The following VPS13D variants were observed in gnomAD, a reference collection of about 807,000 sequenced individuals.
The protein encoded by VPS13D is vacuolar protein sorting 13 homolog D, also known as intermembrane lipid transfer protein VPS13D.
In VPS13D, 187 loss-of-function variants were observed where a neutral mutation model predicts 461.9. The ratio of observed to expected loss-of-function variants is 0.40; its 90% CI spans 0.36 to 0.46. The LOEUF is 0.46. Ranked by LOEUF, VPS13D falls within the 20% of genes least tolerant of loss-of-function variation. VPS13D has a pLI of 0.60. For synonymous variants in VPS13D, 1,951 were observed against 1,986.3 expected (o/e 0.98, Z 0.47); for missense variants, 4,711 against 5,364.9 (o/e 0.88, Z 3.81).
intron 2 of VPS13D, 67 bp downstream of exon 2, chr1:12,234,430 G>T: frequency 7.4e-7 from 1 of 1,353,154 alleles, no homozygotes; most frequent in Non-Finnish European, 1.0e-6. Flanking sequence ...TTTTTTTGTT[G>T]TCCTGAGAAT....
intron 21 of VPS13D, among the ~76,000 whole-genome samples, chr1:12,284,165 G>A (rs556561755): frequency 2.0e-5 from 3 of 152,236 alleles, no homozygotes; most frequent in Non-Finnish European, 4.4e-5. Context: ...TGCATTGAGG[G>A]CAACAGCGTA....
In VPS13D at chr1:12,283,337, G is replaced by T; in HGVS notation, c.5235G>T (p.Ala1745=). The change falls in exon 21 of 70, where the codon GCG becomes GCT. Residue 1745 remains alanine (A), a synonymous_variant. Coordinates refer to ENST00000620676, the MANE Select transcript of VPS13D (RefSeq NM_015378.4). ...VFQLYQRPTS[A]SRKKQKEVQD... is the part of the protein sequence containing the mutation. ...AGTTGTATCAAAGGCCCACCTCTGC[G>T]TCCCGGAAAAAGCAAAAGGAAGTCC... The T allele has an allele frequency of 6.2e-7, 1 of 1,613,994 alleles. No individual in the cohort carries two copies. The highest frequency in any genetic ancestry group is 8.5e-7 in the Non-Finnish European group (1 of 1,180,014).
chr1:12,305,289 C>T (rs1642531093), intron 26 of VPS13D, among the ~76,000 whole-genome samples: 1 of 151,328 alleles, frequency 6.6e-6, no homozygotes, highest in South Asian at 2.1e-4. Flanking sequence ...TTTTTTTTCC[C>T]CTCAAGACAG....
At chr1:12,499,947 C>A (rs1461300337) in intron 68 of VPS13D, 2 of 985,362 alleles carry the variant, frequency 2.0e-6, no homozygotes, top group African/African-American at 3.5e-5. Context: ...TGTTTAAAGA[C>A]CTAATTATTT....
At chr1:12,504,073 G>T (rs11121916) in intron 68 of VPS13D, among the ~76,000 whole-genome samples, 4,959 of 152,216 alleles carry the variant, frequency 0.033, 265 homozygotes, top group African/African-American at 0.11. Context: ...AGTTTGATAT[G>T]AGGCTCCATT....
chr1:12,376,658 A>G (rs972068531), intron 55 of VPS13D, among the ~76,000 whole-genome samples: 1 of 152,200 alleles, frequency 6.6e-6, no homozygotes, highest in Non-Finnish European at 1.5e-5. Flanking sequence ...TCCAATGTTC[A>G]TGCTACTTTG....
rs754213824 is a variant in VPS13D, at chr1:12,362,703, GT to G, written c.10142-15del. On this transcript the variant is annotated splice_polypyrimidine_tract_variant and intron_variant, in intron 50 of 69. Coordinates refer to ENST00000620676, the MANE Select transcript of VPS13D (RefSeq NM_015378.4). ...TCTTCATGGTTAACTCATAAAAGTGGTTCTTGTTATTTGTAGGTATTGATGT... is the reference window on the plus strand; with the variant it reads ...TCTTCATGGTTAACTCATAAAAGTGGTCTTGTTATTTGTAGGTATTGATGT... 62 of 1,611,870 alleles carry G rather than the reference GT, an allele frequency of 3.8e-5. 1 individual carries two copies. The Middle Eastern group carries it at 4.9e-4, about 13-fold the overall frequency.
chr1:12,432,297 G>GC (rs1645001805), intron 65 of VPS13D, among the ~76,000 whole-genome samples: 1 of 151,984 alleles, frequency 6.6e-6, no homozygotes, highest in Non-Finnish European at 1.5e-5. Flanking sequence ...GAAGGCTGAG[G>GC]CAGGAGAGTC....
intron 67 of VPS13D, among the ~76,000 whole-genome samples, chr1:12,476,329 A>G (rs1419421138): frequency 6.6e-6 from 1 of 152,240 alleles, no homozygotes; most frequent in Admixed American, 6.5e-5. Context: ...GGCCCATATT[A>G]AAGTCTCATT....
intron 20 of VPS13D, among the ~76,000 whole-genome samples, chr1:12,281,655 G>A: frequency 6.6e-6 from 1 of 152,080 alleles, no homozygotes; most frequent in East Asian, 1.9e-4. Context: ...TCTTATTGAT[G>A]TTAAAGTGGA....
chr1:12,423,239 G>A (rs1644884802), intron 65 of VPS13D, among the ~76,000 whole-genome samples: 1 of 152,152 alleles, frequency 6.6e-6, no homozygotes, highest in African/African-American at 2.4e-5. Context: ...AGATTGGTCA[G>A]GTGACTTTCC....
At chr1:12,302,592 A>G (rs568451868) in intron 25 of VPS13D, among the ~76,000 whole-genome samples, 1 of 152,334 alleles carries the variant, frequency 6.6e-6, no homozygotes, top group Non-Finnish European at 1.5e-5. Context: ...GGCAGTGCAT[A>G]CAAGGAGCGC....
At chr1:12,489,504 T>G (rs1645847085) in intron 67 of VPS13D, among the ~76,000 whole-genome samples, 1 of 152,230 alleles carries the variant, frequency 6.6e-6, no homozygotes, top group Non-Finnish European at 1.5e-5. Context: ...ATGTGTGTTA[T>G]GCATGTATGA....
At chr1:12,453,134 AG>A (rs1645284446) in intron 65 of VPS13D, among the ~76,000 whole-genome samples, 1 of 152,184 alleles carries the variant, frequency 6.6e-6, no homozygotes, top group South Asian at 2.1e-4. Context: ...TGGGGAGCTG[AG>A]GCTGCCACAG....
chr1:12,415,293 G>C, intron 64 of VPS13D, 72 bp downstream of exon 64: 1 of 1,596,274 alleles, frequency 6.3e-7, no homozygotes, highest in Non-Finnish European at 8.6e-7. Context: ...GGGAATTTTG[G>C]TTACTAAGGC....
At chr1:12,235,657 A>G (rs1344063101) in intron 2 of VPS13D, among the ~76,000 whole-genome samples, 1 of 152,198 alleles carries the variant, frequency 6.6e-6, no homozygotes, top group East Asian at 1.9e-4. Context: ...CCATGGGCAG[A>G]GCCGTCATGG....
In VPS13D at chr1:12,253,837, G is replaced by A. The variant is rs377694370; in HGVS notation, c.669+11G>A. The A allele has an allele frequency of 4.8e-5, 78 of 1,611,080 alleles. No homozygotes were observed. Among genetic ancestry groups the A allele is most frequent in the African/African-American group, 4.8e-4 (36 of 74,844 alleles). On this transcript the variant is annotated intron_variant, in intron 7 of 69. Transcript: ENST00000620676. ...CAGATGGAGTTACAGGTACGATTTCGGCAGGGAGATTTGTTGCAAGACAGC... is the reference window on the plus strand; with the variant it reads ...CAGATGGAGTTACAGGTACGATTTCAGCAGGGAGATTTGTTGCAAGACAGC...
rs757352871 is a variant in VPS13D, at chr1:12,368,487, T to G, written c.10468T>G (p.Phe3490Val). The G allele has an allele frequency of 1.9e-6, 3 of 1,612,678 alleles. No homozygotes were observed. The highest frequency in any genetic ancestry group is 2.5e-6 in the Non-Finnish European group (3 of 1,179,242). Residue 3490 changes from phenylalanine (F) to valine (V), a missense_variant, in exon 53 of 70, where the codon TTC becomes GTC. Phe to Val is a conservative substitution (Grantham distance 50, BLOSUM62 -1). This residue lies in a region of VPS13D where 4,411 missense variants were observed against 4,937.8 expected (regional missense o/e 0.89). Transcript: ENST00000620676. ...INMRDTLGKC[F>V]FLRVEITLRG... ...CTGCAGGGATACCTTGGGAAAATGC[T>G]TCTTCCTACGAGTGGAAATTACTCT...
rs2101680773 is a variant in VPS13D at position 12,400,219 on chromosome 1, G to A, written c.11673G>A (p.Met3891Ile). ...TCATTGGTACCACGCAGCCCTTCAT[G>A]CTCTATGTGACTCCCCTGAGCAATG... ...NQLIGTTQPF[M>I]LYVTPLSNEN... The change falls in exon 61 of 70, where the codon ATG (methionine) becomes ATA (isoleucine). Residue 3891 changes from methionine (M) to isoleucine (I), a missense_variant. Physicochemically the swap from Met to Ile is conservative, Grantham distance 10. Coordinates refer to ENST00000620676, the MANE Select transcript of VPS13D (RefSeq NM_015378.4). 6.2e-7 allele frequency: 1 copy of A among 1,614,122 alleles called. No homozygotes were observed. The highest frequency in any genetic ancestry group is 1.3e-5 in the African/African-American group (1 of 75,036).
Sources: gnomAD v4.1 joint callset for allele counts (sites outside exome capture counted in the v4.1 genomes callset) on GRCh38, gnomAD v4.1.1 for gene constraint, gnomAD v4.1.1 regional missense constraint, MANE v1.5 for transcripts, NCBI Gene and HGNC (gene_info 2026-07-23, HGNC 2026-07-21) for gene names.